SEC23B: variants seen among roughly 807,000 people sequenced by gnomAD.
The protein encoded by SEC23B is SEC23 homolog B, COPII component, also known as protein transport protein Sec23B.
Under a neutral mutation model 104.3 loss-of-function variants are expected in SEC23B, and 77 were observed. That is an observed-to-expected ratio of 0.74 (90% CI 0.61 to 0.89). The LOEUF is 0.89. SEC23B is among the 40% of genes least tolerant of loss of function. The pLI, the probability that SEC23B is intolerant of heterozygous loss-of-function variation, is 0.00. For missense variants in SEC23B, 885 were observed against 949.4 expected, an observed-to-expected ratio of 0.93 and a Z score of 0.89; for synonymous variants, 338 against 332.5, an observed-to-expected ratio of 1.02 and a Z score of -0.18.
At chr20:18,527,471 A>T in intron 8 of SEC23B, 25 bp from the exon 9 acceptor site, 1 of 1,328,622 alleles carries the variant, frequency 7.5e-7, no homozygotes, top group Non-Finnish European at 1.1e-6. Flanking sequence ...ACTGTTTCCT[A>T]AAGATAGCTT....
chr20:18,520,918 C>CG (rs2060078169), intron 4 of SEC23B, among the ~76,000 whole-genome samples: 2 of 151,980 alleles, frequency 1.3e-5, no homozygotes, highest in African/African-American at 4.8e-5. Context: ...GCCAGAGTTC[C>CG]AGGGGCTCTG....
At chr20:18,515,362 G>A (rs1376361904) in intron 3 of SEC23B, among the ~76,000 whole-genome samples, 3 of 152,062 alleles carry the variant, frequency 2.0e-5, no homozygotes, top group African/African-American at 7.2e-5. Flanking sequence ...CCAGGCTGGA[G>A]TGCAGTGGCG....
chr20:18,526,283 T>A lies in SEC23B; in HGVS notation c.835-90T>A. ...CACTTTTTAGGACAGCTGGAGAGAA[T>A]GCATCTTTGGAGTATTTCTATTGGG... On this transcript the variant is annotated intron_variant, in intron 7 of 19. Transcript: ENST00000650089. The A allele has an allele frequency of 2.1e-6, 3 of 1,401,808 alleles. No homozygotes were observed. The South Asian group carries it at 3.5e-5, about 16-fold the overall frequency. 86.8% of individuals were successfully genotyped at this position (1,401,808 alleles called of 1,614,324 possible).
intron 10 of SEC23B, among the ~76,000 whole-genome samples, chr20:18,531,980 C>T (rs1025503821): frequency 1.3e-5 from 2 of 152,126 alleles, no homozygotes; most frequent in African/African-American, 4.8e-5. Context: ...ATCACATGTG[C>T]CCAGGAGTTT....
chr20:18,526,368 T>C lies in SEC23B; in HGVS notation c.835-5T>C. The C allele has an allele frequency of 1.2e-6, 2 of 1,614,072 alleles. No homozygotes were observed. Among genetic ancestry groups the C allele is most frequent in the Non-Finnish European group, 1.7e-6 (2 of 1,179,946 alleles). On this transcript the variant is annotated splice_polypyrimidine_tract_variant and splice_region_variant and intron_variant, in intron 7 of 19. Coordinates refer to ENST00000650089, the MANE Select transcript of SEC23B (RefSeq NM_006363.6). Reference sequence around the variant, plus strand: ...CTTCTAACATGCTGCCATTCGCTATTTTAGGGCACTTTTCCAAACACAGGA... The same window carrying C: ...CTTCTAACATGCTGCCATTCGCTATCTTAGGGCACTTTTCCAAACACAGGA...
At position 18,530,798 on chromosome 20, in the gene SEC23B, G is replaced by A. The variant is rs778179818; in HGVS notation, c.1228G>A (p.Val410Ile). The change falls in exon 10 of 20, where the codon GTA (valine) becomes ATA (isoleucine). Residue 410 changes from valine (V) to isoleucine (I), a missense_variant. Physicochemically the swap from Val to Ile is conservative, Grantham distance 29 (BLOSUM62 3). Transcript: ENST00000650089. ...FRMAFGATLD[V>I]KTSRELKIAG... ...AATGGCATTTGGTGCTACTTTGGAC[G>A]TAAAGGTACGGTAAACTTTTTTTTT... The A allele has an allele frequency of 1.1e-5, 18 of 1,602,950 alleles. No homozygotes were observed. In the South Asian group the frequency reaches 1.4e-4, roughly 13 times the overall value.
chr20:18,514,629 A>G (rs924743884), intron 3 of SEC23B, among the ~76,000 whole-genome samples: 2 of 152,318 alleles, frequency 1.3e-5, no homozygotes, highest in Middle Eastern at 3.4e-3. Flanking sequence ...TTATAAGCCA[A>G]CCCACAAGCT....
intron 15 of SEC23B, among the ~76,000 whole-genome samples, chr20:18,546,911 T>G (rs1246232085): frequency 6.7e-6 from 1 of 149,156 alleles, no homozygotes; most frequent in Non-Finnish European, 1.5e-5. Context: ...CAGTTTTTTT[T>G]TTTTTTTTTT....
intron 4 of SEC23B, among the ~76,000 whole-genome samples, chr20:18,520,454 G>T (rs1471113544): frequency 6.6e-6 from 1 of 152,126 alleles, no homozygotes; most frequent in Non-Finnish European, 1.5e-5. Context: ...AGGTTGGGGG[G>T]TACAAGAGGA....
In SEC23B at chr20:18,561,311, C is replaced by A. The variant is rs1456559849; in HGVS notation, c.*571C>A. 1 of 152,940 alleles carries A rather than the reference C, an allele frequency of 6.5e-6. No individual in the cohort carries two copies. The highest frequency in any genetic ancestry group is 2.4e-5 in the African/African-American group (1 of 41,450). 9.5% of individuals were successfully genotyped at this position (152,940 alleles called of 1,614,324 possible). On this transcript the variant is annotated 3_prime_UTR_variant, in exon 20 of 20. Coordinates refer to ENST00000650089, the MANE Select transcript of SEC23B (RefSeq NM_006363.6). ...CAGACCTACTTTTTGAAGATAACTG[C>A]TTTTAACCTCTCCTTACAAGATTTT... is the stretch of plus-strand genomic sequence containing the variant.
At chr20:18,523,434 G>A (rs1248114781) in intron 4 of SEC23B, among the ~76,000 whole-genome samples, 1 of 106,158 alleles carries the variant, frequency 9.4e-6, no homozygotes. Context: ...ACAGAGCCTT[G>A]CTCTGTCACC....
At chr20:18,548,143 G>A (rs796278798) in intron 15 of SEC23B, among the ~76,000 whole-genome samples, 40 of 151,874 alleles carry the variant, frequency 2.6e-4, no homozygotes, top group African/African-American at 8.2e-4. Flanking sequence ...TAGAGACGGG[G>A]TTTCTCCATG....
intron 15 of SEC23B, 104 bp from the exon 16 acceptor site, chr20:18,548,505 T>A: frequency 8.7e-7 from 1 of 1,148,176 alleles, no homozygotes. Context: ...AGAGAGCCCT[T>A]TTCTGGGTTC....
chr20:18,510,638 G>A (rs1015030422), intron 1 of SEC23B, among the ~76,000 whole-genome samples, 184 bp from the exon 2 acceptor site: 1 of 152,088 alleles, frequency 6.6e-6, no homozygotes, highest in African/African-American at 2.4e-5. Context: ...TGGTGGCACA[G>A]GCTTGTAATC....
chr20:18,527,652 T>C (rs758060427), intron 9 of SEC23B, 41 bp downstream of exon 9: 4 of 1,281,578 alleles, frequency 3.1e-6, no homozygotes, highest in Non-Finnish European at 4.6e-6. Context: ...GACAGTGTTA[T>C]TTTAAGGAAA....
At chr20:18,551,928 A>C (rs1352948521) in intron 17 of SEC23B, among the ~76,000 whole-genome samples, 1 of 152,188 alleles carries the variant, frequency 6.6e-6, no homozygotes, top group Non-Finnish European at 1.5e-5. Context: ...TGATGAAATA[A>C]CATGGCCCAG....
chr20:18,520,197 T>C (rs968653565), intron 4 of SEC23B, among the ~76,000 whole-genome samples: 1 of 151,728 alleles, frequency 6.6e-6, no homozygotes, highest in African/African-American at 2.4e-5. Context: ...AAGGCACAGA[T>C]CCTGAACTAA....
intron 19 of SEC23B, among the ~76,000 whole-genome samples, chr20:18,559,744 A>G (rs1473708535): frequency 6.6e-6 from 1 of 152,172 alleles, no homozygotes; most frequent in Non-Finnish European, 1.5e-5. Context: ...TTCAGAGTAT[A>G]TGAGGCATAA....
intron 11 of SEC23B, among the ~76,000 whole-genome samples, chr20:18,534,904 C>T (rs1314458514): frequency 6.6e-6 from 1 of 152,184 alleles, no homozygotes; most frequent in Non-Finnish European, 1.5e-5. Flanking sequence ...GGCATGAATG[C>T]TCCTTTGACT....
Sources: gnomAD v4.1 joint callset for allele counts (sites outside exome capture counted in the v4.1 genomes callset) on GRCh38, gnomAD v4.1.1 for gene constraint, MANE v1.5 for transcripts, NCBI Gene and HGNC (gene_info 2026-07-23, HGNC 2026-07-21) for gene names.